Variants in RYR2 observed in about 807,000 individuals in gnomAD.
The protein encoded by RYR2 is cardiac muscle ryanodine receptor-calcium release channel.
RYR2 carries 227 observed loss-of-function variants against 601.1 expected under a neutral mutation model. The observed-to-expected ratio is 0.38, with a 90% CI of 0.34 to 0.42. The LOEUF is 0.42. Among genes scored for constraint, RYR2 ranks in the 10% least tolerant of loss-of-function variants. The probability of loss-of-function intolerance (pLI) is 1.00; values close to 1 mark genes in which losing one functional copy is unlikely to be tolerated. For synonymous variants in RYR2, 2,223 were observed against 2,175.1 expected (o/e 1.02, Z -0.61); for missense variants, 4,646 against 6,156.5 (o/e 0.75, Z 8.21).
chr1:237,608,939 A>G (rs1677474794), intron 35 of RYR2, among the ~76,000 whole-genome samples: 1 of 151,754 alleles, frequency 6.6e-6, no homozygotes. Flanking sequence ...CACAAATTGA[A>G]TGCATCCATA....
chr1:237,119,646 C>T (rs566743189), intron 1 of RYR2, among the ~76,000 whole-genome samples: 1 of 152,158 alleles, frequency 6.6e-6, no homozygotes, highest in Non-Finnish European at 1.5e-5. Flanking sequence ...TAGCTGGTCT[C>T]ATGGCCATGG....
intron 1 of RYR2, among the ~76,000 whole-genome samples, chr1:237,246,529 T>C (rs997239990): frequency 2.0e-5 from 3 of 152,168 alleles, no homozygotes; most frequent in Non-Finnish European, 2.9e-5. Flanking sequence ...CTCAAACTCC[T>C]GGGCTCAAGC....
At chr1:237,399,398 G>C (rs748083917) in intron 10 of RYR2, among the ~76,000 whole-genome samples, 7 of 152,076 alleles carry the variant, frequency 4.6e-5, no homozygotes, top group Non-Finnish European at 1.0e-4. Context: ...GGAAATGAGA[G>C]GGAGGTGGAT....
At chr1:237,113,187 AT>A (rs1285886943) in intron 1 of RYR2, among the ~76,000 whole-genome samples, 1 of 151,118 alleles carries the variant, frequency 6.6e-6, no homozygotes, top group Non-Finnish European at 1.5e-5. Context: ...TATTTATTTT[AT>A]TTTATTTTTA....
chr1:237,418,845 A>G (rs555865819), intron 11 of RYR2, among the ~76,000 whole-genome samples: 1 of 152,206 alleles, frequency 6.6e-6, no homozygotes, highest in African/African-American at 2.4e-5. Flanking sequence ...TAAATGCACA[A>G]TTGATCAAAT....
intron 53 of RYR2, 59 bp downstream of exon 53, chr1:237,656,043 T>A: frequency 3.9e-6 from 6 of 1,542,928 alleles, no homozygotes; most frequent in Non-Finnish European, 5.3e-6. Context: ...AAGTCTGAAA[T>A]TGAATAAGGT....
intron 2 of RYR2, among the ~76,000 whole-genome samples, chr1:237,297,160 A>C (rs1234012841): frequency 2.6e-5 from 4 of 152,348 alleles, no homozygotes; most frequent in Admixed American, 2.0e-4. Flanking sequence ...TTATTGTCAT[A>C]TTTCTTATGG....
chr1:237,246,246 C>A (rs993383227), intron 1 of RYR2, among the ~76,000 whole-genome samples: 2 of 152,014 alleles, frequency 1.3e-5, no homozygotes, highest in Non-Finnish European at 2.9e-5. Context: ...CAGGTGCATG[C>A]CACCAAGCCC....
chr1:237,599,649 C>T (rs539414696), intron 34 of RYR2, among the ~76,000 whole-genome samples: 178 of 151,880 alleles, frequency 1.2e-3, no homozygotes, highest in African/African-American at 1.7e-3. Flanking sequence ...GGTGAAACCT[C>T]GTCTCTACTA....
At chr1:237,164,742 T>C (rs927266374) in intron 1 of RYR2, among the ~76,000 whole-genome samples, 8 of 152,214 alleles carry the variant, frequency 5.3e-5, no homozygotes, top group African/African-American at 1.9e-4. Context: ...GTTTCTTTAG[T>C]TATGTTTATA....
chr1:237,796,599 A>G (rs982821791), intron 96 of RYR2, among the ~76,000 whole-genome samples: 1 of 152,042 alleles, frequency 6.6e-6, no homozygotes, highest in Non-Finnish European at 1.5e-5. Context: ...CCTTCTTTTC[A>G]TCAGTATATT....
chr1:237,550,458 A>G, intron 26 of RYR2, 86 bp from the exon 27 acceptor site: 3 of 1,449,324 alleles, frequency 2.1e-6, no homozygotes, highest in East Asian at 2.5e-5. Context: ...TTCTCATGGA[A>G]TTTAAAGTTT....
intron 3 of RYR2, among the ~76,000 whole-genome samples, chr1:237,342,526 A>G (rs902350581): frequency 6.6e-6 from 1 of 152,090 alleles, no homozygotes; most frequent in African/African-American, 2.4e-5. Context: ...TAATCCCTGA[A>G]GTGTGAGAGA....
chr1:237,253,458 A>G (rs930208631), intron 1 of RYR2, among the ~76,000 whole-genome samples: 3 of 152,164 alleles, frequency 2.0e-5, no homozygotes, highest in African/African-American at 7.2e-5. Context: ...TTTTCCATCC[A>G]TTATATTTTA....
intron 1 of RYR2, among the ~76,000 whole-genome samples, chr1:237,071,239 T>G (rs1362340855): frequency 6.6e-6 from 1 of 152,074 alleles, no homozygotes; most frequent in East Asian, 1.9e-4. Context: ...GTTTTTTTTT[T>G]TGAGACGAAG....
At chr1:237,577,011 G>A (rs1673293700) in intron 29 of RYR2, among the ~76,000 whole-genome samples, 1 of 152,118 alleles carries the variant, frequency 6.6e-6, no homozygotes, top group Non-Finnish European at 1.5e-5. Context: ...GTTGCTCTTA[G>A]GAGCTCAAAT....
chr1:237,279,072 A>C (rs1197078190), intron 2 of RYR2, among the ~76,000 whole-genome samples: 1 of 152,202 alleles, frequency 6.6e-6, no homozygotes, highest in Non-Finnish European at 1.5e-5. Flanking sequence ...TTTTTTTCAT[A>C]GAGCAGAATA....
chr1:237,775,075 CAAAAAAAAA>C lies in RYR2; in HGVS notation c.11775+1439_11775+1447del, dbSNP rs5781992. ...TTATTGTGCTTGGTTCAATAAGAAC[CAAAAAAAAA>C]AAAAAAAAAAACAGAAGTAACAAGT... is the stretch of plus-strand genomic sequence containing the variant. On this transcript the variant is annotated intron_variant, in intron 87 of 104. Transcript: ENST00000366574. Among the ~76,000 whole-genome samples the C allele has an allele frequency of 6.0e-3, 544 of 90,458 alleles. 2 individuals carry two copies. Among genetic ancestry groups the C allele is most frequent in the South Asian group, 0.017 (42 of 2,460 alleles). The allele number at this position is 90,458 out of a possible 152,430, so 59.3% of individuals were successfully genotyped here.
chr1:237,186,476 T>G (rs1280063234), intron 1 of RYR2, among the ~76,000 whole-genome samples: 1 of 152,234 alleles, frequency 6.6e-6, no homozygotes, highest in Non-Finnish European at 1.5e-5. Flanking sequence ...CCTGGAGCTG[T>G]GTATTGAAAT....
Sources: allele counts gnomAD v4.1 joint callset (sites outside exome capture counted in the v4.1 genomes callset), GRCh38; gene constraint gnomAD v4.1.1; transcripts MANE v1.5; gene names NCBI Gene and HGNC (gene_info 2026-07-23, HGNC 2026-07-21).